Variants in MAPKAP1 observed in about 807,000 individuals in gnomAD.
MAPKAP1 encodes the protein MAPK associated protein 1.
In MAPKAP1, 20 loss-of-function variants were observed where a neutral mutation model predicts 65.7. The ratio of observed to expected loss-of-function variants is 0.30; its 90% CI spans 0.21 to 0.44. The LOEUF (loss-of-function observed/expected upper bound fraction) is 0.44, where lower values mean the gene tolerates loss of function less well. MAPKAP1 is among the 20% of genes least tolerant of loss of function. The pLI, the probability that MAPKAP1 is intolerant of heterozygous loss-of-function variation, is 1.00. For synonymous variants in MAPKAP1, 222 were observed against 244.3 expected (o/e 0.91, Z 0.85); for missense variants, 423 against 648.0 (o/e 0.65, Z 3.77).
chr9:125,472,116 A>G (rs1334377834), intron 9 of MAPKAP1, among the ~76,000 whole-genome samples: 1 of 152,352 alleles, frequency 6.6e-6, no homozygotes, highest in Admixed American at 6.5e-5. Flanking sequence ...GAACTCAGGA[A>G]GTCTGGTTCC....
chr9:125,530,677 C>T (rs868457726), intron 7 of MAPKAP1, among the ~76,000 whole-genome samples: 1 of 152,168 alleles, frequency 6.6e-6, no homozygotes, highest in African/African-American at 2.4e-5. Context: ...TAGTTTTCTC[C>T]TTCTTCAAAA....
chr9:125,459,301 G>C (rs1853358604), intron 10 of MAPKAP1, among the ~76,000 whole-genome samples: 1 of 150,752 alleles, frequency 6.6e-6, no homozygotes. Flanking sequence ...TCGGATGGCG[G>C]CCAGGCAGAG....
At chr9:125,576,763 C>T (rs1326609504) in intron 5 of MAPKAP1, among the ~76,000 whole-genome samples, 4 of 152,186 alleles carry the variant, frequency 2.6e-5, no homozygotes, top group East Asian at 1.9e-4. Flanking sequence ...GCGAGTGATC[C>T]GCCAGCCTCG....
intron 5 of MAPKAP1, among the ~76,000 whole-genome samples, chr9:125,563,965 C>T (rs1830973410): frequency 6.6e-6 from 1 of 152,210 alleles, no homozygotes; most frequent in Admixed American, 6.5e-5. Context: ...CCCGCCTTGG[C>T]CTCCCAAAGT....
At chr9:125,533,470 G>T (rs1241881235) in intron 7 of MAPKAP1, among the ~76,000 whole-genome samples, 1 of 150,592 alleles carries the variant, frequency 6.6e-6, no homozygotes, top group Non-Finnish European at 1.5e-5. Context: ...TTTTTTTTGA[G>T]ACAGAGTCTT....
intron 1 of MAPKAP1, among the ~76,000 whole-genome samples, chr9:125,684,397 C>CA (rs1301284466): frequency 6.6e-6 from 1 of 151,992 alleles, no homozygotes; most frequent in African/African-American, 2.4e-5. Context: ...GCATCCACAA[C>CA]AAAAAATTAT....
intron 1 of MAPKAP1, among the ~76,000 whole-genome samples, chr9:125,706,316 G>A (rs1225370142): frequency 6.6e-6 from 1 of 151,912 alleles, no homozygotes; most frequent in African/African-American, 2.4e-5. Context: ...TTGCCGATTT[G>A]GGTTTATAAC....
chr9:125,530,463 C>G (rs1243581912), intron 7 of MAPKAP1, among the ~76,000 whole-genome samples: 1 of 152,194 alleles, frequency 6.6e-6, no homozygotes, highest in African/African-American at 2.4e-5. Flanking sequence ...AACACAAAGA[C>G]TTTTAAAACT....
At chr9:125,525,279 T>C (rs1829729975) in intron 7 of MAPKAP1, among the ~76,000 whole-genome samples, 1 of 152,236 alleles carries the variant, frequency 6.6e-6, no homozygotes, top group South Asian at 2.1e-4. Context: ...CGCTGCTTAA[T>C]TCTCACAATA....
chr9:125,489,499 G>A (rs1487270757), intron 8 of MAPKAP1, among the ~76,000 whole-genome samples: 3 of 152,102 alleles, frequency 2.0e-5, no homozygotes, highest in Admixed American at 6.6e-5. Flanking sequence ...TTTTGGGGTG[G>A]GGCCTAATAG....
At chr9:125,578,534 T>C (rs1327085842) in intron 5 of MAPKAP1, among the ~76,000 whole-genome samples, 1 of 151,962 alleles carries the variant, frequency 6.6e-6, no homozygotes, top group Non-Finnish European at 1.5e-5. Flanking sequence ...ATTATTAACA[T>C]ATCTAAAACA....
intron 4 of MAPKAP1, among the ~76,000 whole-genome samples, chr9:125,625,255 T>TAA (rs58671780): frequency 1.1e-4 from 7 of 64,666 alleles, no homozygotes; most frequent in African/African-American, 4.2e-4. Context: ...AATAAATAAA[T>TAA]AAAAAAAAAA....
intron 4 of MAPKAP1, among the ~76,000 whole-genome samples, chr9:125,599,606 T>C (rs1188091586): frequency 7.7e-5 from 2 of 25,990 alleles, no homozygotes; most frequent in African/African-American, 1.3e-4. Context: ...GTAAGTCCCT[T>C]TTTTTTTTTT....
rs1853180027 is a variant in MAPKAP1 at position 125,456,840 on chromosome 9, C to T, written c.1345+11132G>A. On this transcript the variant is annotated intron_variant, in intron 10 of 11. Transcript: ENST00000265960. ...CCCCAAGCCAGAGGACTCAGTTAAG[C>T]TGTGGGATACCTGACCCACCAAACT... Among the ~76,000 whole-genome samples the T allele has an allele frequency of 3.9e-5, 6 of 151,928 alleles. No individual in the cohort carries two copies. The South Asian group carries it at 1.2e-3, about 31-fold the overall frequency.
chr9:125,612,331 T>C (rs59749675), intron 4 of MAPKAP1, among the ~76,000 whole-genome samples: 2,956 of 152,296 alleles, frequency 0.019, 96 homozygotes, highest in African/African-American at 0.068. Flanking sequence ...GTGACCTATA[T>C]TAATGGGCAT....
At chr9:125,502,536 T>C (rs1471017304) in intron 8 of MAPKAP1, among the ~76,000 whole-genome samples, 1 of 152,250 alleles carries the variant, frequency 6.6e-6, no homozygotes, top group East Asian at 1.9e-4. Flanking sequence ...TTTCTATTAT[T>C]ATTTCTTTAT....
chr9:125,609,205 C>T (rs145377140), intron 4 of MAPKAP1, among the ~76,000 whole-genome samples: 13 of 152,218 alleles, frequency 8.5e-5, no homozygotes, highest in African/African-American at 2.6e-4. Flanking sequence ...TGGTTACTTG[C>T]TGAACTGATG....
At chr9:125,456,191 A>G (rs1458523264) in intron 10 of MAPKAP1, among the ~76,000 whole-genome samples, 3 of 152,136 alleles carry the variant, frequency 2.0e-5, no homozygotes, top group East Asian at 1.9e-4. Context: ...GCTGGTTCTC[A>G]GCAGTTTGAT....
chr9:125,586,031 T>C (rs1831773785), intron 4 of MAPKAP1, among the ~76,000 whole-genome samples: 1 of 152,188 alleles, frequency 6.6e-6, no homozygotes. Flanking sequence ...CTGGCTTTGC[T>C]ACTAACTCAG....
Sources: gnomAD v4.1 joint callset for allele counts (sites outside exome capture counted in the v4.1 genomes callset) on GRCh38, gnomAD v4.1.1 for gene constraint, MANE v1.5 for transcripts, NCBI Gene and HGNC (gene_info 2026-07-23, HGNC 2026-07-21) for gene names.